Variants in NFKBIZ observed in about 807,000 individuals in gnomAD.
NFKBIZ encodes NF-kappa-B inhibitor zeta.
Under a neutral mutation model 76.8 loss-of-function variants are expected in NFKBIZ, and 19 were observed. The ratio of observed to expected loss-of-function variants is 0.25; its 90% CI spans 0.17 to 0.36. NFKBIZ has a LOEUF of 0.36. Among genes scored for constraint, NFKBIZ ranks in the 10% least tolerant of loss-of-function variants. NFKBIZ has a pLI of 1.00. For synonymous variants in NFKBIZ, 368 were observed against 354.8 expected (o/e 1.04, Z -0.42); for missense variants, 829 against 910.9 (o/e 0.91, Z 1.16).
At chr3:101,844,413 T>C (rs906845945) in intron 2 of NFKBIZ, among the ~76,000 whole-genome samples, 1 of 152,246 alleles carries the variant, frequency 6.6e-6, no homozygotes, top group Non-Finnish European at 1.5e-5. Context: ...GATTACTAGT[T>C]CATTTTGTTG....
intron 11 of NFKBIZ, chr3:101,857,897 T>C: frequency 1.2e-6 from 1 of 865,530 alleles, no homozygotes; most frequent in Non-Finnish European, 1.4e-6. Flanking sequence ...TCAGTGAACA[T>C]CAATAGTTAG....
Position 101,849,763 on chromosome 3 carries a change from G to A in NFKBIZ, c.135G>A (p.Pro45=), listed in dbSNP as rs1420015934. 3.4e-6 allele frequency: 5 copies of A among 1,453,226 alleles called. No individual in the cohort carries two copies. Among genetic ancestry groups the A allele is most frequent in the Admixed American group, 2.6e-5 (1 of 38,858 alleles). 90.0% of individuals were successfully genotyped at this position (1,453,226 alleles called of 1,614,324 possible). ...FYGASPPAAA[P]GACDASCSVL... ...GCGCGTCGCCGCCCGCCGCCGCCCC[G>A]GGCGCCTGCGACGCCAGCTGCTCGG... Residue 45 remains proline, a synonymous_variant, in exon 1 of 12, where the codon CCG becomes CCA. Coordinates refer to ENST00000326172, the MANE Select transcript of NFKBIZ (RefSeq NM_031419.4).
Position 101,849,923 on chromosome 3 carries a change from C to A in NFKBIZ, c.289+6C>A. ...CCGCGCCGAGCGCCAGCCAGGTACC[C>A]GCCGGCCCCGCACCGCTGCGTACTC... is the stretch of plus-strand genomic sequence containing the variant. On this transcript the variant is annotated splice_donor_region_variant and intron_variant, in intron 1 of 11. Coordinates refer to ENST00000326172, the MANE Select transcript of NFKBIZ (RefSeq NM_031419.4). 4 of 1,413,140 alleles carry A rather than the reference C, an allele frequency of 2.8e-6. No homozygotes were observed. The highest frequency in any genetic ancestry group is 1.5e-5 in the South Asian group (1 of 66,354). The allele number at this position is 1,413,140 out of a possible 1,614,324, so 87.5% of individuals were successfully genotyped here.
chr3:101,853,240 C>G lies in NFKBIZ; in HGVS notation c.714C>G (p.Ser238Arg). 1 of 1,614,166 alleles carries G rather than the reference C, an allele frequency of 6.2e-7. No individual in the cohort carries two copies. The highest frequency in any genetic ancestry group is 1.1e-5 in the South Asian group (1 of 91,080). ...SPVSLNTVQVSWLNPVVVPQS... is the reference protein window; with the variant it reads ...SPVSLNTVQVRWLNPVVVPQS... Reference sequence around the variant, plus strand: ...TTTCCCTGAACACAGTTCAAGTTAGCTGGCTGAACCCCGTGGTGGTCCCTC... The same window carrying G: ...TTTCCCTGAACACAGTTCAAGTTAGGTGGCTGAACCCCGTGGTGGTCCCTC... Residue 238 changes from serine to arginine, a missense_variant, in exon 5 of 12, where the codon AGC becomes AGG. By Grantham distance (110) the Ser-to-Arg change is moderately radical (BLOSUM62 -1). Coordinates refer to ENST00000326172, the MANE Select transcript of NFKBIZ (RefSeq NM_031419.4).
rs767854649 is a variant in NFKBIZ at position 101,853,315 on chromosome 3, T to C, written c.789T>C (p.Phe263=). Residue 263 remains phenylalanine, a synonymous_variant, in exon 5 of 12, where the codon TTT becomes TTC. Coordinates refer to ENST00000326172, the MANE Select transcript of NFKBIZ (RefSeq NM_031419.4). ...AGGACTTCCATGGAGGGCAGGTCTT[T>C]TCTCCACCTCAGAAATGCCAACCAT... ...QCQDFHGGQV[F]SPPQKCQPFQ... 1.2e-6 allele frequency: 2 copies of C among 1,614,010 alleles called. No individual in the cohort carries two copies. The highest frequency in any genetic ancestry group is 2.7e-5 in the African/African-American group (2 of 74,898).
At chr3:101,846,392 G>A (rs978900240), upstream of NFKBIZ, among the ~76,000 whole-genome samples, 1 of 152,192 alleles carries the variant, frequency 6.6e-6, no homozygotes, top group African/African-American at 2.4e-5. Context: ...AAATTTTTTT[G>A]TAGCGATATT....
intron 2 of NFKBIZ, among the ~76,000 whole-genome samples, chr3:101,838,319 A>G (rs1942748012): frequency 6.6e-6 from 1 of 152,220 alleles, no homozygotes; most frequent in Non-Finnish European, 1.5e-5. Flanking sequence ...ATAGGCAAGT[A>G]AACTGAGGCT....
chr3:101,840,521 G>A (rs1365902923), intron 2 of NFKBIZ, among the ~76,000 whole-genome samples: 1 of 152,138 alleles, frequency 6.6e-6, no homozygotes, highest in African/African-American at 2.4e-5. Context: ...ATAGTATGTG[G>A]ATATTTTCTG....
chr3:101,857,288 T>G lies in NFKBIZ; in HGVS notation c.1936-4T>G. 1 of 1,614,158 alleles carries G rather than the reference T, an allele frequency of 6.2e-7. No homozygotes were observed. Among genetic ancestry groups the G allele is most frequent in the Non-Finnish European group, 8.5e-7 (1 of 1,180,000 alleles). ...TGTCTGATAATTCATTTCTTTGTCT[T>G]CAGGCTTACAATGGCAACACTGCCC... On this transcript the variant is annotated splice_region_variant and splice_polypyrimidine_tract_variant and intron_variant, in intron 10 of 11. Transcript: ENST00000326172.
intron 5 of NFKBIZ, 89 bp downstream of exon 5, chr3:101,853,952 T>A: frequency 7.8e-7 from 1 of 1,279,784 alleles, no homozygotes; most frequent in South Asian, 1.4e-5. Context: ...TATAACAAGG[T>A]ATACCTTAGT....
intron 1 of NFKBIZ, among the ~76,000 whole-genome samples, chr3:101,851,845 A>G (rs1370307687): frequency 6.6e-6 from 1 of 152,178 alleles, no homozygotes; most frequent in Non-Finnish European, 1.5e-5. Flanking sequence ...CCTTGACCAA[A>G]TTTTTATGAA....
rs996052413 is a variant in NFKBIZ at position 101,852,754 on chromosome 3, T to C, written c.446T>C (p.Ile149Thr). ...TCTTTATAGACACAAGGTGTGAACA[T>C]AGAACAGTTCAGAGGTAAGAGTTAC... ...VDDFKTQGVN[I>T]EQFRELKNTV... Residue 149 changes from isoleucine to threonine, a missense_variant, in exon 3 of 12, where the codon ATA (isoleucine) becomes ACA (threonine). Physicochemically the swap from Ile to Thr is moderately conservative, Grantham distance 89 (BLOSUM62 -1). Transcript: ENST00000326172. The C allele has an allele frequency of 6.2e-7, 1 of 1,610,920 alleles. No individual in the cohort carries two copies. The highest frequency in any genetic ancestry group is 8.5e-7 in the Non-Finnish European group (1 of 1,178,878).
chr3:101,845,611 A>G (rs1203190890), upstream of NFKBIZ, among the ~76,000 whole-genome samples: 1 of 152,106 alleles, frequency 6.6e-6, no homozygotes, highest in Non-Finnish European at 1.5e-5. Flanking sequence ...CCAGCCCTCA[A>G]TTCCTTTTTT....
At chr3:101,836,564 T>C (rs1357568096) in intron 2 of NFKBIZ, among the ~76,000 whole-genome samples, 1 of 152,178 alleles carries the variant, frequency 6.6e-6, no homozygotes, top group Admixed American at 6.5e-5. Context: ...TCCGGAACAT[T>C]GTAGGTGGTC....
intron 9 of NFKBIZ, 41 bp from the exon 10 acceptor site, chr3:101,857,032 G>C (rs777863165): frequency 6.7e-6 from 9 of 1,335,602 alleles, no homozygotes; most frequent in Middle Eastern, 1.8e-4. Flanking sequence ...ATAGTATCTG[G>C]ATTTTTTTTT....
chr3:101,857,236 C>A (rs879610895), intron 10 of NFKBIZ, 53 bp downstream of exon 10: 1 of 1,611,778 alleles, frequency 6.2e-7, no homozygotes, highest in East Asian at 2.2e-5. Context: ...TTTTTGAGCT[C>A]CTTTCATGAA....
chr3:101,829,529 A>T (rs1942616388), intron 1 of NFKBIZ: 1 of 152,224 alleles, frequency 6.6e-6, no homozygotes, highest in Admixed American at 6.5e-5. Flanking sequence ...TCTGAGACCA[A>T]TAATGAATTG....
intron 2 of NFKBIZ, among the ~76,000 whole-genome samples, chr3:101,836,870 T>A (rs977711562): frequency 1.3e-5 from 2 of 152,238 alleles, no homozygotes; most frequent in African/African-American, 2.4e-5. Flanking sequence ...AAAGTAGTTA[T>A]GACTCTCTTT....
chr3:101,856,272 G>C (rs1011028302), intron 9 of NFKBIZ, among the ~76,000 whole-genome samples: 8 of 152,102 alleles, frequency 5.3e-5, no homozygotes, highest in Non-Finnish European at 7.4e-5. Flanking sequence ...GGATGGTCTC[G>C]ATCTCCTGAC....
Sources: allele counts gnomAD v4.1 joint callset (sites outside exome capture counted in the v4.1 genomes callset), GRCh38; gene constraint gnomAD v4.1.1; transcripts MANE v1.5; gene names NCBI Gene and HGNC (gene_info 2026-07-23, HGNC 2026-07-21).